The following KDM4B variants were observed in gnomAD, a reference collection of about 807,000 sequenced individuals.
The protein encoded by KDM4B is lysine demethylase 4B.
A neutral mutation model predicts 125.2 loss-of-function variants in KDM4B; 32 were observed. That is an observed-to-expected ratio of 0.26 (90% CI 0.19 to 0.34). KDM4B has a LOEUF of 0.34. Among genes scored for constraint, KDM4B ranks in the 10% least tolerant of loss-of-function variants. The probability of loss-of-function intolerance (pLI) is 1.00; values close to 1 mark genes in which losing one functional copy is unlikely to be tolerated. For missense variants in KDM4B, 1,190 were observed against 1,577.7 expected (o/e 0.75, Z 4.16); for synonymous variants, 721 against 677.9 (o/e 1.06, Z -0.99).
intron 1 of KDM4B, among the ~76,000 whole-genome samples, chr19:4,983,791 T>C (rs1446559312): frequency 6.6e-6 from 1 of 152,150 alleles, no homozygotes; most frequent in African/African-American, 2.4e-5. Flanking sequence ...GGGCTTGAGC[T>C]ATCAGGGCAG....
chr19:5,043,220 C>T (rs1404635268), intron 5 of KDM4B, among the ~76,000 whole-genome samples: 1 of 142,566 alleles, frequency 7.0e-6, no homozygotes, highest in Non-Finnish European at 1.5e-5. Context: ...TCCACCTTAT[C>T]CCACTCTGTG....
chr19:4,986,789 C>T lies in KDM4B; in HGVS notation c.-109+17559C>T, dbSNP rs1266855642. Among the ~76,000 whole-genome samples the T allele has an allele frequency of 5.3e-5, 8 of 152,306 alleles. No individual in the cohort carries two copies. In the South Asian group the frequency reaches 8.3e-4, roughly 16 times the overall value. On this transcript the variant is annotated intron_variant, in intron 1 of 22. Transcript: ENST00000159111. The stretch of plus-strand genomic sequence containing the variant: ...TCCAAAGAAGTGCAGGCAGCACGTG[C>T]GGAGGCCCCAAGGCGGAACGAGGCG...
rs903852549 is a variant in KDM4B, at chr19:5,078,746, G to A, written c.780+1276G>A. On this transcript the variant is annotated intron_variant, in intron 8 of 22. Coordinates refer to ENST00000159111, the MANE Select transcript of KDM4B (RefSeq NM_015015.3). This position sits in a 1 kb window ranked among gnomAD's most constrained non-coding sequence, Gnocchi z 4.5. ...TATCGCACTGCAGTTTATCTGTAAA[G>A]TTCCTGAACCTGAGCCAAAGGTGGC... 3 of 152,130 alleles carry A rather than the reference G, an allele frequency of 2.0e-5. No homozygotes were observed. The highest frequency in any genetic ancestry group is 7.2e-5 in the African/African-American group (3 of 41,416). 9.4% of individuals were successfully genotyped at this position (152,130 alleles called of 1,614,324 possible).
chr19:5,060,997 G>A (rs954472100), intron 6 of KDM4B, among the ~76,000 whole-genome samples: 3 of 152,246 alleles, frequency 2.0e-5, no homozygotes, highest in Non-Finnish European at 4.4e-5. Flanking sequence ...GCCTCGGCGA[G>A]TCTGCTCCTA....
chr19:5,015,907 C>CT (rs2035878859), intron 1 of KDM4B, among the ~76,000 whole-genome samples: 1 of 152,270 alleles, frequency 6.6e-6, no homozygotes, highest in Admixed American at 6.5e-5. Flanking sequence ...ATTTTCTGCA[C>CT]TTTTCCCCTT....
At chr19:5,135,634 C>G (rs1428498554) in intron 15 of KDM4B, 73 bp downstream of exon 15, 1 of 1,311,250 alleles carries the variant, frequency 7.6e-7, no homozygotes, top group East Asian at 2.5e-5. Flanking sequence ...GGTGGGGGCT[C>G]CATCCTCCCC....
intron 9 of KDM4B, among the ~76,000 whole-genome samples, chr19:5,104,872 G>A (rs1366096688): frequency 1.3e-5 from 2 of 152,168 alleles, no homozygotes; most frequent in Admixed American, 6.5e-5. Flanking sequence ...TCATTTCAGG[G>A]ACCTGAATTG....
At chr19:5,107,478 A>G (rs1465797369) in intron 9 of KDM4B, among the ~76,000 whole-genome samples, 1 of 152,194 alleles carries the variant, frequency 6.6e-6, no homozygotes, top group Non-Finnish European at 1.5e-5. Flanking sequence ...GGAGCTAGAC[A>G]GGGCTGTGGT....
chr19:5,149,240 A>C (rs1434112952), intron 21 of KDM4B, among the ~76,000 whole-genome samples: 2 of 152,126 alleles, frequency 1.3e-5, no homozygotes, highest in Non-Finnish European at 2.9e-5. Flanking sequence ...CCCCAGACAC[A>C]CTTCCGCGAT....
At chr19:5,111,532 G>T in intron 10 of KDM4B, 1 of 764,686 alleles carries the variant, frequency 1.3e-6, no homozygotes, top group Non-Finnish European at 2.4e-6. Flanking sequence ...TCCACTTCAT[G>T]CCCAGAGTGA....
intron 6 of KDM4B, among the ~76,000 whole-genome samples, chr19:5,050,421 C>T (rs556436882): frequency 3.5e-4 from 53 of 152,366 alleles, no homozygotes; most frequent in African/African-American, 1.2e-3. Context: ...GCCAACTTCC[C>T]GCAGCCCCTT....
At chr19:5,058,178 C>T in intron 6 of KDM4B, among the ~76,000 whole-genome samples, 1 of 152,258 alleles carries the variant, frequency 6.6e-6, no homozygotes, top group East Asian at 1.9e-4. Context: ...GCTGGGTGCC[C>T]TGCAGGGGCT....
intron 9 of KDM4B, among the ~76,000 whole-genome samples, chr19:5,084,413 C>T: frequency 7.5e-6 from 1 of 133,086 alleles, no homozygotes; most frequent in Admixed American, 7.9e-5. Flanking sequence ...ATATAAATTA[C>T]ATAATTTATA....
chr19:5,018,806 C>T (rs1017072353), intron 2 of KDM4B, among the ~76,000 whole-genome samples: 3 of 152,248 alleles, frequency 2.0e-5, no homozygotes, highest in South Asian at 2.1e-4. Context: ...GAAATGGGAT[C>T]GCGCACTGTG....
At chr19:5,071,712 C>T (rs1375397343) in intron 7 of KDM4B, among the ~76,000 whole-genome samples, 3 of 152,216 alleles carry the variant, frequency 2.0e-5, no homozygotes, top group Non-Finnish European at 4.4e-5. Context: ...TGGAGACACC[C>T]GGGATGGGGC....
At chr19:4,982,507 G>C (rs1398793496) in intron 1 of KDM4B, among the ~76,000 whole-genome samples, 1 of 149,944 alleles carries the variant, frequency 6.7e-6, no homozygotes, top group Non-Finnish European at 1.5e-5. Flanking sequence ...TATGTAAAAT[G>C]TTGTATTTCC....
chr19:5,119,725 T>G lies in KDM4B; in HGVS notation c.1188T>G (p.Ala396=). 6.4e-7 allele frequency: 1 copy of G among 1,551,318 alleles called. No individual in the cohort carries two copies. The highest frequency in any genetic ancestry group is 1.2e-5 in the South Asian group (1 of 84,156). ...CCAAGTTCCCTGGGGAGGGTACGGCTGGGGCAGCGCTCCTAGAGGAGGCTG... is the reference window on the plus strand; with the variant it reads ...CCAAGTTCCCTGGGGAGGGTACGGCGGGGGCAGCGCTCCTAGAGGAGGCTG... The part of the protein sequence containing the change: ...EDPKFPGEGT[A]GAALLEEAGG... The change falls in exon 11 of 23, where the codon GCT becomes GCG. Residue 396 remains alanine (A), a synonymous_variant. Transcript: ENST00000159111.
rs1380327450 is a variant in KDM4B, at chr19:5,035,346, A to G, written c.141+2315A>G. The stretch of plus-strand genomic sequence containing the variant: ...GGATCCAAGGCGTCCTGATGTCAGG[A>G]CGTTGAGGGGAATCAGCATCTCAGA... On this transcript the variant is annotated intron_variant, in intron 3 of 22. Coordinates refer to ENST00000159111, the MANE Select transcript of KDM4B (RefSeq NM_015015.3). This position sits in a 1 kb window ranked among gnomAD's most constrained non-coding sequence, Gnocchi z 5.3. Among the ~76,000 whole-genome samples the G allele has an allele frequency of 6.6e-6, 1 of 151,540 alleles. No homozygotes were observed. The highest frequency in any genetic ancestry group is 1.5e-5 in the Non-Finnish European group (1 of 67,828).
At chr19:5,048,058 G>T (rs1018635948) in intron 6 of KDM4B, among the ~76,000 whole-genome samples, 2 of 152,214 alleles carry the variant, frequency 1.3e-5, no homozygotes, top group Non-Finnish European at 2.9e-5. Flanking sequence ...GCCCAGAGGG[G>T]CCTGGCCAGG....
Sources: gnomAD v4.1 joint callset for allele counts (sites outside exome capture counted in the v4.1 genomes callset) on GRCh38, gnomAD v4.1.1 for gene constraint, Gnocchi (gnomAD v3.1) non-coding constraint, MANE v1.5 for transcripts, NCBI Gene and HGNC (gene_info 2026-07-23, HGNC 2026-07-21) for gene names.